MYO18B: variants seen among roughly 807,000 people sequenced by gnomAD.
MYO18B encodes unconventional myosin-XVIIIb.
Under a neutral mutation model 273.0 loss-of-function variants are expected in MYO18B, and 204 were observed. The observed-to-expected ratio is 0.75, with a 90% CI of 0.67 to 0.84. The LOEUF is 0.84. MYO18B is among the 40% of genes least tolerant of loss of function. MYO18B has a pLI of 0.00. For synonymous variants in MYO18B, 1,330 were observed against 1,305.7 expected, an observed-to-expected ratio of 1.02 and a Z score of -0.40; for missense variants, 3,212 against 3,287.6, an observed-to-expected ratio of 0.98 and a Z score of 0.56.
chr22:25,767,520 G>A (rs1256887083), intron 3 of MYO18B, among the ~76,000 whole-genome samples: 3 of 152,192 alleles, frequency 2.0e-5, no homozygotes, highest in Non-Finnish European at 4.4e-5. Flanking sequence ...GGGGAAACCC[G>A]AAGCCCAGAG....
intron 1 of MYO18B, among the ~76,000 whole-genome samples, chr22:25,751,387 C>T (rs75063010): frequency 0.014 from 2,187 of 152,324 alleles, 59 homozygotes; most frequent in African/African-American, 0.049. Flanking sequence ...TACCAGTGCC[C>T]CCTGCACACT....
At chr22:25,789,895 G>A (rs1215738388) in intron 11 of MYO18B, among the ~76,000 whole-genome samples, 1 of 152,202 alleles carries the variant, frequency 6.6e-6, no homozygotes, top group Non-Finnish European at 1.5e-5. Flanking sequence ...GCTCATGCCT[G>A]TAATCCCAGC....
At chr22:25,889,889 ATTTC>A (rs1275074210) in intron 25 of MYO18B, among the ~76,000 whole-genome samples, 1 of 152,168 alleles carries the variant, frequency 6.6e-6, no homozygotes, top group African/African-American at 2.4e-5. Flanking sequence ...GGACCCATCC[ATTTC>A]TTTCTTTCTT....
chr22:25,775,144 C>T (rs1222609205), intron 7 of MYO18B, among the ~76,000 whole-genome samples: 2 of 152,188 alleles, frequency 1.3e-5, no homozygotes, highest in African/African-American at 4.8e-5. Context: ...GGGGATGGCT[C>T]TAGGACTGAG....
chr22:25,978,233 A>G (rs1316477041), intron 39 of MYO18B, among the ~76,000 whole-genome samples: 1 of 152,134 alleles, frequency 6.6e-6, no homozygotes, highest in Non-Finnish European at 1.5e-5. Flanking sequence ...AACTAATTCT[A>G]TGAGAGGGAG....
chr22:25,842,673 A>AG (rs10650791), intron 17 of MYO18B, among the ~76,000 whole-genome samples: 2 of 99,974 alleles, frequency 2.0e-5, no homozygotes, highest in Non-Finnish European at 3.7e-5. Flanking sequence ...ACTCCGTCTC[A>AG]AAAAAAAAAA....
At chr22:26,024,974 TCA>T (rs947507659) in intron 42 of MYO18B, among the ~76,000 whole-genome samples, 1 of 152,174 alleles carries the variant, frequency 6.6e-6, no homozygotes, top group African/African-American at 2.4e-5. Context: ...CACTGTGTCA[TCA>T]CACAGTGGAA....
intron 34 of MYO18B, among the ~76,000 whole-genome samples, chr22:25,943,844 C>T (rs1423122976): frequency 6.6e-6 from 1 of 151,290 alleles, no homozygotes; most frequent in Non-Finnish European, 1.5e-5. Context: ...CTCAGCCTCC[C>T]AAGTAGCTGG....
the MYO18B span, among the ~76,000 whole-genome samples, chr22:26,058,620 C>T: frequency 4.5e-4 from 68 of 152,250 alleles, 1 homozygote; most frequent in African/African-American, 1.4e-3. Flanking sequence ...AATGGCTTTG[C>T]GCTGTCCTCA....
At chr22:25,903,242 G>A in intron 30 of MYO18B, 1 of 214,890 alleles carries the variant, frequency 4.7e-6, no homozygotes, top group Non-Finnish European at 9.3e-6. Flanking sequence ...TAACCTGGAA[G>A]AGTCATTTCT....
intron 29 of MYO18B, chr22:25,900,729 C>G (rs8141919): frequency 6.6e-6 from 1 of 152,530 alleles, no homozygotes; most frequent in Non-Finnish European, 1.5e-5. Context: ...TTGCTAGGAG[C>G]TGGTGTTTGT....
intron 7 of MYO18B, 67 bp from the exon 8 acceptor site, chr22:25,777,516 C>T (rs777803154): frequency 7.7e-6 from 11 of 1,421,322 alleles, no homozygotes; most frequent in Middle Eastern, 2.6e-4. Flanking sequence ...TGGGGCGGGG[C>T]GCTGTCTTAG....
chr22:25,921,863 G>C (rs1056899326), intron 34 of MYO18B, among the ~76,000 whole-genome samples: 1 of 150,842 alleles, frequency 6.6e-6, no homozygotes, highest in Non-Finnish European at 1.5e-5. Flanking sequence ...TGTGGTGACT[G>C]CCAGGACTAG....
intron 22 of MYO18B, among the ~76,000 whole-genome samples, chr22:25,871,441 T>C (rs954656967): frequency 6.6e-6 from 1 of 152,142 alleles, no homozygotes; most frequent in African/African-American, 2.4e-5. Context: ...ATCTGTAAAG[T>C]GACTAAGAGG....
chr22:25,853,664 G>GT lies in MYO18B; in HGVS notation c.3885+2092dup, dbSNP rs376102272. Among the ~76,000 whole-genome samples, 947 of 152,198 alleles carry GT rather than the reference G, an allele frequency of 6.2e-3. 6 individuals carry two copies. Among genetic ancestry groups the GT allele is most frequent in the African/African-American group, 0.022 (905 of 41,494 alleles). ...TGGTGCAGGAGTCAGGTGTGGGGGA[G>GT]TTTTTTTGTGGAGGCAAAGGGTGTA... On this transcript the variant is annotated intron_variant, in intron 21 of 43. Transcript: ENST00000335473.
intron 18 of MYO18B, 100 bp downstream of exon 18, chr22:25,843,994 G>A: frequency 1.8e-6 from 2 of 1,100,310 alleles, no homozygotes; most frequent in Non-Finnish European, 2.5e-6. Context: ...GTGTGGGAGG[G>A]CCAGCCCAGG....
chr22:25,794,587 C>T (rs984956176), intron 11 of MYO18B, among the ~76,000 whole-genome samples: 7 of 152,114 alleles, frequency 4.6e-5, no homozygotes, highest in South Asian at 2.1e-4. Flanking sequence ...TCACTGCAAG[C>T]TCTGCCTCCC....
chr22:25,995,087 A>G (rs1933088337), intron 40 of MYO18B, among the ~76,000 whole-genome samples: 1 of 152,330 alleles, frequency 6.6e-6, no homozygotes, highest in East Asian at 1.9e-4. Flanking sequence ...CGTATACACG[A>G]TAGAGTACTA....
chr22:25,823,271 A>T (rs1798732885), intron 12 of MYO18B, among the ~76,000 whole-genome samples: 1 of 152,140 alleles, frequency 6.6e-6, no homozygotes, highest in Admixed American at 6.5e-5. Flanking sequence ...AATCGCTTTG[A>T]AAAAGTAAGC....
Sources: gnomAD v4.1 joint callset for allele counts (sites outside exome capture counted in the v4.1 genomes callset) on GRCh38, gnomAD v4.1.1 for gene constraint, MANE v1.5 for transcripts, NCBI Gene and HGNC (gene_info 2026-07-23, HGNC 2026-07-21) for gene names.